ITGA1: variants seen among roughly 807,000 people sequenced by gnomAD.
ITGA1 encodes the protein integrin alpha-1.
ITGA1 carries 85 observed loss-of-function variants against 145.9 expected under a neutral mutation model. That is an observed-to-expected ratio of 0.58 (90% CI 0.49 to 0.70). ITGA1 has a LOEUF of 0.70. Ranked by LOEUF, ITGA1 falls within the 30% of genes least tolerant of loss-of-function variation. The pLI is 0.00. For missense variants in ITGA1, 1,351 were observed against 1,418.7 expected (o/e 0.95, Z 0.77); for synonymous variants, 520 against 495.3 (o/e 1.05, Z -0.66).
intron 6 of ITGA1, among the ~76,000 whole-genome samples, chr5:52,875,984 C>T (rs1749860006): frequency 6.6e-6 from 1 of 151,866 alleles, no homozygotes; most frequent in South Asian, 2.1e-4. Flanking sequence ...ACTTTGTTTC[C>T]TTCCATAGTA....
Position 52,788,209 on chromosome 5 carries a change from C to G in ITGA1, c.-145C>G, listed in dbSNP as rs1431769936. 5 of 533,248 alleles carry G rather than the reference C, an allele frequency of 9.4e-6. No homozygotes were observed. In the East Asian group the frequency reaches 1.4e-4, roughly 15 times the overall value. 33.0% of individuals were successfully genotyped at this position (533,248 alleles called of 1,614,324 possible). On this transcript the variant is annotated 5_prime_UTR_variant, in exon 1 of 29. Transcript: ENST00000282588. The stretch of plus-strand genomic sequence containing the variant: ...CGAAAACACAGGAAATCACTCCTCT[C>G]CCGCTCCTGGGCGCCGCTGCCACTG...
chr5:52,932,202 C>A, intron 22 of ITGA1, 66 bp downstream of exon 22: 1 of 974,608 alleles, frequency 1.0e-6, no homozygotes, highest in South Asian at 1.4e-5. Flanking sequence ...AAAGTGTGGT[C>A]CCTGCCTGGC....
chr5:52,796,707 T>C (rs562395535), intron 1 of ITGA1, among the ~76,000 whole-genome samples: 1 of 152,214 alleles, frequency 6.6e-6, no homozygotes, highest in South Asian at 2.1e-4. Context: ...GAGTGCCTAC[T>C]ATGTGCAAAG....
chr5:52,915,845 T>C (rs547148335), intron 15 of ITGA1, among the ~76,000 whole-genome samples: 2 of 152,340 alleles, frequency 1.3e-5, no homozygotes, highest in South Asian at 2.1e-4. Context: ...ATAGGTATTC[T>C]GTTTTAGGAG....
chr5:52,832,612 T>C (rs1749088899), intron 1 of ITGA1, among the ~76,000 whole-genome samples: 1 of 152,136 alleles, frequency 6.6e-6, no homozygotes, highest in Non-Finnish European at 1.5e-5. Context: ...GTCAAATACA[T>C]CTCTCTTGCA....
chr5:52,869,182 A>G (rs1479982695), intron 6 of ITGA1, among the ~76,000 whole-genome samples: 1 of 152,134 alleles, frequency 6.6e-6, no homozygotes, highest in Non-Finnish European at 1.5e-5. Flanking sequence ...TTTTTTGACA[A>G]GGAGTTTCAC....
At position 52,865,048 on chromosome 5, in the gene ITGA1, AT is replaced by A. The variant is rs750510621; in HGVS notation, c.465del (p.Gln156LysfsTer3). The A allele has an allele frequency of 6.2e-7, 1 of 1,613,738 alleles. No individual in the cohort carries two copies. The highest frequency in any genetic ancestry group is 8.5e-7 in the Non-Finnish European group (1 of 1,179,770). ...GAATCTGTTCTGACGTCAGCCCCAC[AT>A]TTCAAGTCGTGAATTCCATTGCCCC... ...TGICSDVSPT[F>X]QVVNSIAPVQ... On this transcript the variant is annotated frameshift_variant, in exon 5 of 29. Coordinates refer to ENST00000282588, the MANE Select transcript of ITGA1 (RefSeq NM_181501.2). LOFTEE classifies it high-confidence loss of function.
At chr5:52,908,578 A>G (rs888754223) in intron 12 of ITGA1, among the ~76,000 whole-genome samples, 2 of 152,228 alleles carry the variant, frequency 1.3e-5, no homozygotes, top group Non-Finnish European at 2.9e-5. Context: ...TCCTTAAAAA[A>G]TCACTATAGT....
intron 2 of ITGA1, among the ~76,000 whole-genome samples, chr5:52,860,890 A>G (rs1304366214): frequency 6.6e-6 from 1 of 152,184 alleles, no homozygotes; most frequent in Non-Finnish European, 1.5e-5. Context: ...CTCATAAACT[A>G]TCCTTATTTT....
chr5:52,841,072 T>C (rs185683999), intron 1 of ITGA1, among the ~76,000 whole-genome samples: 4 of 152,348 alleles, frequency 2.6e-5, no homozygotes, highest in African/African-American at 7.2e-5. Context: ...AGGATGAAAC[T>C]TGGAAAATGC....
At chr5:52,812,230 A>G (rs12153664) in intron 1 of ITGA1, among the ~76,000 whole-genome samples, 39,163 of 152,126 alleles carry the variant, frequency 0.26, 5,379 homozygotes, top group Non-Finnish European at 0.3. Context: ...TTAAATTACT[A>G]TCATAAATTC....
At chr5:52,814,177 C>T (rs918337775) in intron 1 of ITGA1, among the ~76,000 whole-genome samples, 3 of 152,158 alleles carry the variant, frequency 2.0e-5, no homozygotes, top group Admixed American at 1.3e-4. Context: ...GACAGAGTCT[C>T]GCTCTGTCAC....
chr5:52,905,744 G>A lies in ITGA1; in HGVS notation c.1310-19G>A. ...CTTTAAGGGTCCAGGTGGTATACCT[G>A]GAATCTTTCTTTTGTTAGGTTACAC... On this transcript the variant is annotated intron_variant, in intron 11 of 28. Transcript: ENST00000282588. 6.2e-7 allele frequency: 1 copy of A among 1,607,088 alleles called. No individual in the cohort carries two copies. The highest frequency in any genetic ancestry group is 8.5e-7 in the Non-Finnish European group (1 of 1,176,288).
chr5:52,837,662 T>A (rs1343560419), intron 1 of ITGA1, among the ~76,000 whole-genome samples: 1 of 152,038 alleles, frequency 6.6e-6, no homozygotes, highest in East Asian at 1.9e-4. Context: ...CTTGGGGATA[T>A]TGACTATAAC....
rs77190702 is a variant in ITGA1 at position 52,885,176 on chromosome 5, C to T, written c.774-2639C>T. Among the ~76,000 whole-genome samples, 1,141 of 152,264 alleles carry T rather than the reference C, an allele frequency of 7.5e-3. 17 individuals are homozygous for T. Among genetic ancestry groups the T allele is most frequent in the African/African-American group, 0.027 (1,103 of 41,550 alleles). ...GGTGTACCTCCTTCCACCTGTTCAGCAACCTGGAAACTTTCTGAACCCCGT... is the reference window on the plus strand; with the variant it reads ...GGTGTACCTCCTTCCACCTGTTCAGTAACCTGGAAACTTTCTGAACCCCGT... On this transcript the variant is annotated intron_variant, in intron 7 of 28. Coordinates refer to ENST00000282588, the MANE Select transcript of ITGA1 (RefSeq NM_181501.2).
At chr5:52,897,382 C>T in intron 9 of ITGA1, 73 bp from the exon 10 acceptor site, 1 of 970,808 alleles carries the variant, frequency 1.0e-6, no homozygotes. Context: ...TACCAGGTAT[C>T]TGTATTCTGC....
At chr5:52,850,755 G>A (rs946153940) in intron 2 of ITGA1, among the ~76,000 whole-genome samples, 1 of 152,102 alleles carries the variant, frequency 6.6e-6, no homozygotes, top group African/African-American at 2.4e-5. Context: ...TATCTCAGAT[G>A]ACAAACCCAA....
intron 2 of ITGA1, among the ~76,000 whole-genome samples, chr5:52,855,305 T>C (rs1749495520): frequency 6.6e-6 from 1 of 152,172 alleles, no homozygotes; most frequent in African/African-American, 2.4e-5. Flanking sequence ...AAGGCATGTA[T>C]AGCATCCCAC....
At chr5:52,820,388 G>T (rs544230770) in intron 1 of ITGA1, among the ~76,000 whole-genome samples, 1,859 of 100,490 alleles carry the variant, frequency 0.018, 43 homozygotes, top group Non-Finnish European at 0.027. Flanking sequence ...GGGGGGAGGG[G>T]GGAGGGATAG....
Sources: allele counts gnomAD v4.1 joint callset (sites outside exome capture counted in the v4.1 genomes callset), GRCh38; gene constraint gnomAD v4.1.1; transcripts MANE v1.5; gene names NCBI Gene and HGNC (gene_info 2026-07-23, HGNC 2026-07-21).